The following ZFHX3 variants were observed in gnomAD, a reference collection of about 807,000 sequenced individuals.
The protein encoded by ZFHX3 is zinc finger homeobox 3.
A neutral mutation model predicts 279.1 loss-of-function variants in ZFHX3; 42 were observed. The ratio of observed to expected loss-of-function variants is 0.15; its 90% confidence interval spans 0.12 to 0.19. The LOEUF is 0.19. Ranked by LOEUF, ZFHX3 falls within the 10% of genes least tolerant of loss-of-function variation. ZFHX3 has a pLI of 1.00. For synonymous variants in ZFHX3, 2,293 were observed against 1,957.8 expected, an observed-to-expected ratio of 1.17 and a Z score of -4.52; for missense variants, 4,981 against 4,754.0, an observed-to-expected ratio of 1.05 and a Z score of -1.40.
intron 2 of ZFHX3, among the ~76,000 whole-genome samples, chr16:73,546,678 TGCTGCTGCTGCTGCTGC>T (rs2020115184): frequency 6.7e-5 from 1 of 14,826 alleles, no homozygotes. Flanking sequence ...CTGTTGCTGC[TGCTGCTGCTGCTGCTGC>T]TGCTGCTGCT....
At chr16:73,394,380 T>G (rs2017085246) in intron 3 of ZFHX3, among the ~76,000 whole-genome samples, 1 of 152,022 alleles carries the variant, frequency 6.6e-6, no homozygotes. Context: ...CACTGCAACC[T>G]CCACCTCCTG....
chr16:73,187,298 C>G (rs1967935316), intron 5 of ZFHX3, among the ~76,000 whole-genome samples: 1 of 151,970 alleles, frequency 6.6e-6, no homozygotes, highest in African/African-American at 2.4e-5. Flanking sequence ...AGCTCTCAAG[C>G]TGACATTTTC....
intron 2 of ZFHX3, among the ~76,000 whole-genome samples, chr16:73,478,942 C>T (rs548956858): frequency 3.3e-5 from 5 of 152,186 alleles, no homozygotes; most frequent in Non-Finnish European, 7.3e-5. Context: ...ATCCCAGCTA[C>T]TCAGGAGGCT....
At chr16:73,004,969 T>C (rs1963652672) in intron 1 of ZFHX3, among the ~76,000 whole-genome samples, 2 of 152,242 alleles carry the variant, frequency 1.3e-5, no homozygotes, top group South Asian at 4.1e-4. Context: ...CATTTGGCTA[T>C]CTAACTGTCC....
intron 1 of ZFHX3, among the ~76,000 whole-genome samples, chr16:73,793,553 C>T (rs57976651): frequency 6.6e-6 from 1 of 152,222 alleles, no homozygotes; most frequent in Admixed American, 6.5e-5. Flanking sequence ...CTAATTGTAG[C>T]TGTGCTGTAT....
intron 3 of ZFHX3, among the ~76,000 whole-genome samples, chr16:72,908,420 C>T (rs890304559): frequency 2.0e-5 from 3 of 152,198 alleles, no homozygotes; most frequent in Non-Finnish European, 4.4e-5. Flanking sequence ...AAAACAGCTG[C>T]TCAGGTGACG....
At chr16:73,500,663 T>TAAA (rs35306584) in intron 2 of ZFHX3, among the ~76,000 whole-genome samples, 3 of 71,564 alleles carry the variant, frequency 4.2e-5, no homozygotes, top group Non-Finnish European at 6.8e-5. Flanking sequence ...TTTAAAGAGT[T>TAAA]AAAAAAAAAA....
chr16:73,613,844 G>A (rs1407006962), intron 2 of ZFHX3, among the ~76,000 whole-genome samples: 3 of 152,212 alleles, frequency 2.0e-5, no homozygotes, highest in Non-Finnish European at 4.4e-5. Context: ...CAAGAACCGA[G>A]TTCCTGCTGC....
chr16:72,882,474 G>C (rs3812982), intron 4 of ZFHX3, among the ~76,000 whole-genome samples: 4 of 152,042 alleles, frequency 2.6e-5, no homozygotes, highest in Admixed American at 6.5e-5. Flanking sequence ...GAGTGAATAC[G>C]AATCACTGCA....
intron 2 of ZFHX3, among the ~76,000 whole-genome samples, chr16:73,599,534 C>T (rs1231608359): frequency 6.6e-6 from 1 of 152,210 alleles, no homozygotes; most frequent in East Asian, 1.9e-4. Flanking sequence ...GCCTATGAAG[C>T]TCGACCTGTC....
intron 4 of ZFHX3, among the ~76,000 whole-genome samples, chr16:72,883,318 T>A (rs577295346): frequency 4.3e-4 from 65 of 152,198 alleles, no homozygotes; most frequent in African/African-American, 1.4e-3. Context: ...CTACGAATAT[T>A]GGCAAATAAA....
At chr16:73,017,894 C>T (rs1964161693) in intron 1 of ZFHX3, among the ~76,000 whole-genome samples, 1 of 152,206 alleles carries the variant, frequency 6.6e-6, no homozygotes, top group East Asian at 1.9e-4. Flanking sequence ...TAATTCCCCA[C>T]TTTTACTCTC....
intron 2 of ZFHX3, among the ~76,000 whole-genome samples, chr16:73,473,629 C>G (rs1202238231): frequency 6.6e-6 from 1 of 152,182 alleles, no homozygotes; most frequent in Non-Finnish European, 1.5e-5. Context: ...TTCCACCTCT[C>G]TGAAGCAGCT....
At chr16:73,170,223 GTTTTTTTTT>G (rs1156523996) in intron 5 of ZFHX3, among the ~76,000 whole-genome samples, 1 of 57,718 alleles carries the variant, frequency 1.7e-5, no homozygotes, top group Non-Finnish European at 2.9e-5. Flanking sequence ...CCTTTCACTA[GTTTTTTTTT>G]TTTTTTTTTT....
chr16:73,578,572 T>C (rs896151171), intron 2 of ZFHX3, among the ~76,000 whole-genome samples: 3 of 152,094 alleles, frequency 2.0e-5, no homozygotes, highest in Admixed American at 6.6e-5. Context: ...AACACTAACA[T>C]GTAATACAAA....
chr16:73,507,002 C>G (rs1159321971), intron 2 of ZFHX3, among the ~76,000 whole-genome samples: 1 of 152,204 alleles, frequency 6.6e-6, no homozygotes, highest in East Asian at 1.9e-4. Context: ...CTTCCACCGA[C>G]GCATAAGTGG....
At chr16:73,366,374 A>C (rs994072658) in intron 3 of ZFHX3, among the ~76,000 whole-genome samples, 1 of 152,074 alleles carries the variant, frequency 6.6e-6, no homozygotes, top group African/African-American at 2.4e-5. Flanking sequence ...GTGGGGGAAA[A>C]CTATAGAAAA....
chr16:73,587,345 C>T (rs915268718), intron 2 of ZFHX3, among the ~76,000 whole-genome samples: 2 of 152,084 alleles, frequency 1.3e-5, no homozygotes, highest in Non-Finnish European at 1.5e-5. Flanking sequence ...TCAGAGGGAA[C>T]CATAACTAGT....
intron 4 of ZFHX3, among the ~76,000 whole-genome samples, chr16:72,855,152 A>G (rs1597314051): frequency 6.6e-6 from 1 of 152,326 alleles, no homozygotes; most frequent in Non-Finnish European, 1.5e-5. Flanking sequence ...AATATATTCT[A>G]CATTGTGGTC....
Sources: gnomAD v4.1 joint callset for allele counts (sites outside exome capture counted in the v4.1 genomes callset) on GRCh38, gnomAD v4.1.1 for gene constraint, MANE v1.5 for transcripts, NCBI Gene and HGNC (gene_info 2026-07-23, HGNC 2026-07-21) for gene names.